PKHD1: variants seen among roughly 807,000 people sequenced by gnomAD.
The protein encoded by PKHD1 is fibrocystin.
In PKHD1, 291 loss-of-function variants were observed where a neutral mutation model predicts 412.0. The ratio of observed to expected loss-of-function variants is 0.71; its 90% CI spans 0.64 to 0.78. The LOEUF (loss-of-function observed/expected upper bound fraction) is 0.78. Among genes scored for constraint, PKHD1 ranks in the 30% least tolerant of loss-of-function variants. The pLI is 0.00. For missense variants in PKHD1, 4,825 were observed against 4,950.7 expected (o/e 0.97, Z 0.76); for synonymous variants, 1,777 against 1,821.5 (o/e 0.98, Z 0.62).
intron 37 of PKHD1, among the ~76,000 whole-genome samples, chr6:51,913,493 A>G (rs2127672057): frequency 6.6e-6 from 1 of 152,094 alleles, no homozygotes; most frequent in South Asian, 2.1e-4. Context: ...CAAGGCACAG[A>G]TTTTTTCAAG....
At chr6:51,745,843 G>C (rs1046672237) in intron 59 of PKHD1, among the ~76,000 whole-genome samples, 2 of 152,260 alleles carry the variant, frequency 1.3e-5, no homozygotes, top group Admixed American at 6.5e-5. Context: ...AGGAAAATTG[G>C]ATAGTAAATT....
At chr6:52,060,545 C>G (rs965179007) in intron 14 of PKHD1, among the ~76,000 whole-genome samples, 4 of 152,150 alleles carry the variant, frequency 2.6e-5, no homozygotes, top group African/African-American at 9.7e-5. Context: ...AATTAAAACC[C>G]ATCAAATGCA....
Position 51,912,251 on chromosome 6 carries a change from TTA to T in PKHD1, c.6332+113_6332+114del, listed in dbSNP as rs558534386. On this transcript the variant is annotated intron_variant, in intron 38 of 66. Transcript: ENST00000371117. ...AATTTTCTTGTCAAAATGTCTACCA[TTA>T]TTTAAGCAGAAGAAATATATCATTG... 424 of 785,340 alleles carry T rather than the reference TTA, an allele frequency of 5.4e-4. 4 individuals carry two copies. The African/African-American group carries it at 5.7e-3, about 11-fold the overall frequency. The allele number at this position is 785,340 out of a possible 1,614,324, so 48.6% of individuals were successfully genotyped here. A position where few individuals can be genotyped will look rare whatever the true frequency, so the allele number is the denominator to read the frequency against.
At chr6:51,631,020 G>A (rs1767858059) in intron 65 of PKHD1, among the ~76,000 whole-genome samples, 1 of 152,132 alleles carries the variant, frequency 6.6e-6, no homozygotes, top group African/African-American at 2.4e-5. Context: ...CACGTCTAGA[G>A]CTGGGGGATC....
intron 50 of PKHD1, among the ~76,000 whole-genome samples, chr6:51,838,603 A>T (rs955877794): frequency 6.6e-6 from 1 of 152,224 alleles, no homozygotes; most frequent in African/African-American, 2.4e-5. Flanking sequence ...AAAGCAGGAA[A>T]AATTAGAAGT....
intron 55 of PKHD1, among the ~76,000 whole-genome samples, chr6:51,760,821 G>A (rs1332891363): frequency 1.3e-5 from 2 of 152,090 alleles, no homozygotes; most frequent in Non-Finnish European, 2.9e-5. Flanking sequence ...GGTAACAAAT[G>A]ACTTGATTTC....
At chr6:51,777,922 G>A (rs146990628) in intron 53 of PKHD1, among the ~76,000 whole-genome samples, 17 of 152,208 alleles carry the variant, frequency 1.1e-4, no homozygotes, top group African/African-American at 3.8e-4. Flanking sequence ...TTTGCTATCT[G>A]CAATGGCCAG....
chr6:52,030,173 A>C lies in PKHD1; in HGVS notation c.3365-1822T>G, dbSNP rs527985821. ...TGAAGAGGAAAAAGAGGTTGCTTGAAAGAGAAAAGTCAAAGAAGAGGGATG... is the reference window on the plus strand; with the variant it reads ...TGAAGAGGAAAAAGAGGTTGCTTGACAGAGAAAAGTCAAAGAAGAGGGATG... On this transcript the variant is annotated intron_variant, in intron 29 of 66. Transcript: ENST00000371117. Among the ~76,000 whole-genome samples the C allele has an allele frequency of 9.8e-5, 15 of 152,328 alleles. No homozygotes were observed. The South Asian group carries it at 3.1e-3, about 32-fold the overall frequency.
intron 43 of PKHD1, among the ~76,000 whole-genome samples, chr6:51,896,751 A>C (rs1430794684): frequency 6.6e-6 from 1 of 151,924 alleles, no homozygotes; most frequent in African/African-American, 2.4e-5. Flanking sequence ...AAGGCAAAGA[A>C]GTTGAAAACT....
rs183256444 is a variant in PKHD1, at chr6:51,685,887, T to C, written c.10157-25918A>G. Among the ~76,000 whole-genome samples the C allele has an allele frequency of 6.0e-3, 909 of 152,242 alleles. 4 individuals carry two copies. Among genetic ancestry groups the C allele is most frequent in the Non-Finnish European group, 9.2e-3 (624 of 68,002 alleles). On this transcript the variant is annotated intron_variant, in intron 60 of 66. Transcript: ENST00000371117. ...TATGGTGGAGCCTTGGAAAACTCACTGTCAGGAAAACACAGCTATACCTCC... is the reference window on the plus strand; with the variant it reads ...TATGGTGGAGCCTTGGAAAACTCACCGTCAGGAAAACACAGCTATACCTCC...
At position 52,055,620 on chromosome 6, in the gene PKHD1, G is replaced by T; in HGVS notation, c.1803C>A (p.Ala601=). The T allele has an allele frequency of 6.2e-7, 1 of 1,613,996 alleles. No individual in the cohort carries two copies. Among genetic ancestry groups the T allele is most frequent in the Non-Finnish European group, 8.5e-7 (1 of 1,179,914 alleles). Residue 601 remains alanine, a synonymous_variant, in exon 19 of 67, where the codon GCC becomes GCA. Transcript: ENST00000371117. Reference sequence around the variant, plus strand: ...ACTGATCTAGCCGATAGCCCTTCTGGGCAGCCGGGGGAGTAAGGACAAGGT... The same window carrying T: ...ACTGATCTAGCCGATAGCCCTTCTGTGCAGCCGGGGGAGTAAGGACAAGGT... ...PRHLVLTPPA[A]QKGYRLDQYT...
rs1431746876 is a variant in PKHD1 at position 51,619,466 on chromosome 6, A to G, written c.11840T>C (p.Met3947Thr). ...GKVNQCPHQL[M>T]NGVSRRKVSR... Reference sequence around the variant, plus strand: ...AACTTTCCTTCTGGACACTCCATTCATCAACTGGTGGGGGCACTGGTTCAC... The same window carrying G: ...AACTTTCCTTCTGGACACTCCATTCGTCAACTGGTGGGGGCACTGGTTCAC... The change falls in exon 67 of 67, where the codon ATG (methionine) becomes ACG (threonine). Residue 3947 changes from methionine to threonine, a missense_variant. By Grantham distance (81) the Met-to-Thr change is moderately conservative. Transcript: ENST00000371117. The G allele has an allele frequency of 6.2e-7, 1 of 1,614,096 alleles. No homozygotes were observed. The highest frequency in any genetic ancestry group is 1.1e-5 in the South Asian group (1 of 91,066).
At chr6:51,858,633 A>G (rs1177870909) in intron 48 of PKHD1, among the ~76,000 whole-genome samples, 1 of 151,912 alleles carries the variant, frequency 6.6e-6, no homozygotes, top group African/African-American at 2.4e-5. Context: ...CTTGTGATTT[A>G]TTTAAATCAC....
At chr6:52,065,156 T>TAG (rs1279136631) in intron 12 of PKHD1, 106 bp from the exon 13 acceptor site, 78 of 76,204 alleles carry the variant, frequency 1.0e-3, no homozygotes, top group Admixed American at 2.8e-3. Context: ...TATATATATA[T>TAG]ATATATATAT....
chr6:51,791,646 G>C (rs1008092301), intron 52 of PKHD1, among the ~76,000 whole-genome samples: 7 of 152,332 alleles, frequency 4.6e-5, no homozygotes, highest in African/African-American at 1.7e-4. Context: ...GTCTAGTGCA[G>C]TGGAAACACA....
At chr6:51,735,857 C>T (rs904819431) in intron 60 of PKHD1, among the ~76,000 whole-genome samples, 2 of 151,980 alleles carry the variant, frequency 1.3e-5, no homozygotes, top group African/African-American at 4.8e-5. Flanking sequence ...TCACTTGAGC[C>T]CAGGAGTTGA....
At chr6:51,848,457 CT>C (rs1771609655) in intron 49 of PKHD1, among the ~76,000 whole-genome samples, 1 of 152,182 alleles carries the variant, frequency 6.6e-6, no homozygotes, top group African/African-American at 2.4e-5. Context: ...AAAGGCACCC[CT>C]GTCATTGTTA....
chr6:51,966,916 G>C (rs528684002), intron 35 of PKHD1, among the ~76,000 whole-genome samples: 2 of 152,216 alleles, frequency 1.3e-5, no homozygotes, highest in East Asian at 3.9e-4. Flanking sequence ...GATTGGATTG[G>C]ATTGGATTGG....
chr6:51,823,118 T>C (rs951080203), intron 52 of PKHD1, among the ~76,000 whole-genome samples: 8 of 151,804 alleles, frequency 5.3e-5, no homozygotes, highest in Non-Finnish European at 7.4e-5. Flanking sequence ...ATTATACCTA[T>C]TGCAACTAAA....
Sources: allele counts gnomAD v4.1 joint callset (sites outside exome capture counted in the v4.1 genomes callset), GRCh38; gene constraint gnomAD v4.1.1; transcripts MANE v1.5; gene names NCBI Gene and HGNC (gene_info 2026-07-23, HGNC 2026-07-21).